The following TMEM161B variants were observed in gnomAD, a reference collection of about 807,000 sequenced individuals.
TMEM161B encodes transmembrane protein 161B.
A neutral mutation model predicts 61.8 loss-of-function variants in TMEM161B; 34 were observed. The observed-to-expected ratio is 0.55, with a 90% confidence interval of 0.42 to 0.73. The LOEUF is 0.73. Among genes scored for constraint, TMEM161B ranks in the 30% least tolerant of loss-of-function variants. The pLI, the probability that TMEM161B is intolerant of heterozygous loss-of-function variation, is 0.00. For synonymous variants in TMEM161B, 167 were observed against 192.8 expected, an observed-to-expected ratio of 0.87 and a Z score of 1.11; for missense variants, 456 against 558.5, an observed-to-expected ratio of 0.82 and a Z score of 1.85.
At chr5:88,185,628 C>T (rs1340112358), downstream of TMEM161B, among the ~76,000 whole-genome samples, 5 of 152,022 alleles carry the variant, frequency 3.3e-5, no homozygotes, top group South Asian at 2.1e-4. Flanking sequence ...AAAGCATAAA[C>T]GTATTTTTAA....
At chr5:88,186,265 T>C (rs534830587), downstream of TMEM161B, among the ~76,000 whole-genome samples, 6 of 152,344 alleles carry the variant, frequency 3.9e-5, no homozygotes, top group African/African-American at 9.6e-5. Flanking sequence ...CAACGATGCA[T>C]TGCAATCAAA....
chr5:88,202,704 G>A, intron 9 of TMEM161B: 1 of 415,858 alleles, frequency 2.4e-6, no homozygotes. Context: ...GATGACGACT[G>A]GACATAAAGA....
downstream of TMEM161B, among the ~76,000 whole-genome samples, chr5:88,193,802 A>G (rs563110608): frequency 3.3e-5 from 5 of 152,170 alleles, no homozygotes; most frequent in Admixed American, 6.5e-5. Flanking sequence ...ACATGTGAGA[A>G]TTTTCAGATA....
chr5:88,248,389 T>C (rs1421081770), intron 1 of TMEM161B, among the ~76,000 whole-genome samples: 1 of 152,050 alleles, frequency 6.6e-6, no homozygotes, highest in African/African-American at 2.4e-5. Context: ...TAGCCATCCC[T>C]AAAAGTATAT....
chr5:88,199,433 A>AT, intron 9 of TMEM161B: 1 of 224,172 alleles, frequency 4.5e-6, no homozygotes, highest in Non-Finnish European at 8.6e-6. Context: ...TCCTCCATGG[A>AT]TAAAAACTGG....
intron 2 of TMEM161B, 115 bp downstream of exon 2, chr5:88,240,698 A>AT: frequency 1.2e-6 from 1 of 853,538 alleles, no homozygotes; most frequent in South Asian, 1.6e-5. Context: ...AGAAAGCTAG[A>AT]TTTTTCTTAT....
At chr5:88,245,445 AAAGC>A (rs1753467668) in intron 1 of TMEM161B, among the ~76,000 whole-genome samples, 1 of 151,916 alleles carries the variant, frequency 6.6e-6, no homozygotes, top group African/African-American at 2.4e-5. Flanking sequence ...TACAGACTTA[AAAGC>A]AAGAGATCAT....
At chr5:88,189,665 T>C (rs970461096) in exon 13 of TMEM161B, 1 of 164,454 alleles carries the variant, frequency 6.1e-6, no homozygotes, top group African/African-American at 2.4e-5. Flanking sequence ...TAATTTTTCC[T>C]AAAGCCTGTA....
At chr5:88,205,635 A>C in intron 8 of TMEM161B, 179 bp downstream of exon 8, 1 of 603,718 alleles carries the variant, frequency 1.7e-6, no homozygotes, top group Non-Finnish European at 2.7e-6. Flanking sequence ...TAAATACAAG[A>C]CTTAAAATTT....
chr5:88,260,453 A>T (rs1755541799), intron 1 of TMEM161B, among the ~76,000 whole-genome samples: 1 of 152,010 alleles, frequency 6.6e-6, no homozygotes, highest in Non-Finnish European at 1.5e-5. Flanking sequence ...TTTAGTTTTT[A>T]TTTTTGTGTT....
chr5:88,222,211 G>A (rs770747270), intron 4 of TMEM161B, among the ~76,000 whole-genome samples: 7 of 152,090 alleles, frequency 4.6e-5, no homozygotes, highest in Non-Finnish European at 8.8e-5. Flanking sequence ...TGGGACTACA[G>A]ATGCACACCA....
At chr5:88,239,742 A>G (rs1752422802) in intron 2 of TMEM161B, among the ~76,000 whole-genome samples, 1 of 152,012 alleles carries the variant, frequency 6.6e-6, no homozygotes, top group Non-Finnish European at 1.5e-5. Flanking sequence ...GAAAGCACAG[A>G]GAAGAATACA....
chr5:88,186,910 A>G (rs1270382125), downstream of TMEM161B, among the ~76,000 whole-genome samples: 1 of 151,870 alleles, frequency 6.6e-6, no homozygotes, highest in Non-Finnish European at 1.5e-5. Flanking sequence ...CTCAAACAAC[A>G]ACAACAACAA....
chr5:88,188,421 T>C (rs1748497337), downstream of TMEM161B, among the ~76,000 whole-genome samples: 1 of 152,250 alleles, frequency 6.6e-6, no homozygotes, highest in East Asian at 1.9e-4. Context: ...TGGTCGTCTT[T>C]TTGATCATTT....
chr5:88,231,553 G>C (rs1195367115), intron 2 of TMEM161B, among the ~76,000 whole-genome samples: 1 of 152,194 alleles, frequency 6.6e-6, no homozygotes, highest in Non-Finnish European at 1.5e-5. Flanking sequence ...TACTGGCATA[G>C]AGCAAGTGCT....
chr5:88,216,675 C>CA lies in TMEM161B; in HGVS notation c.446+3887dup, dbSNP rs1269248440. ...AAGGTAGTACCTGGTGATGAACTGT[C>CA]AAATTATATCATAGATTTTAAATGG... is the stretch of plus-strand genomic sequence containing the variant. On this transcript the variant is annotated intron_variant, in intron 5 of 11. Transcript: ENST00000296595. 8.5e-5 allele frequency among the ~76,000 whole-genome samples: 13 copies of CA among 152,268 alleles called. No homozygotes were observed. The South Asian group carries it at 1.5e-3, about 17-fold the overall frequency.
downstream of TMEM161B, among the ~76,000 whole-genome samples, chr5:88,192,274 TAC>T (rs1321064082): frequency 6.6e-6 from 1 of 151,178 alleles, no homozygotes; most frequent in Non-Finnish European, 1.5e-5. Context: ...GATGGAAAAA[TAC>T]ACACTCTGAT....
At chr5:88,220,459 A>G in intron 5 of TMEM161B, 104 bp downstream of exon 5, 1 of 959,724 alleles carries the variant, frequency 1.0e-6, no homozygotes, top group Non-Finnish European at 1.4e-6. Flanking sequence ...AGATTTCAAT[A>G]AAGAAAAGTT....
At chr5:88,186,733 C>T (rs959911803), downstream of TMEM161B, among the ~76,000 whole-genome samples, 1 of 151,830 alleles carries the variant, frequency 6.6e-6, no homozygotes, top group Non-Finnish European at 1.5e-5. Flanking sequence ...AGTTCGAGAC[C>T]AGCCTGGCCA....
Sources: gnomAD v4.1 joint callset for allele counts (sites outside exome capture counted in the v4.1 genomes callset) on GRCh38, gnomAD v4.1.1 for gene constraint, MANE v1.5 for transcripts, NCBI Gene and HGNC (gene_info 2026-07-23, HGNC 2026-07-21) for gene names.